CALD1: variants seen among roughly 807,000 people sequenced by gnomAD.
The protein encoded by CALD1 is caldesmon 1, also known as caldesmon.
Under a neutral mutation model 99.9 loss-of-function variants are expected in CALD1, and 33 were observed. The ratio of observed to expected loss-of-function variants is 0.33; its 90% CI spans 0.25 to 0.44. The LOEUF is 0.44. Ranked by LOEUF, CALD1 falls within the 20% of genes least tolerant of loss-of-function variation. The probability of loss-of-function intolerance (pLI) is 1.00; values close to 1 mark genes in which losing one functional copy is unlikely to be tolerated. For synonymous variants in CALD1, 310 were observed against 325.0 expected (o/e 0.95, Z 0.50); for missense variants, 861 against 962.1 (o/e 0.89, Z 1.39).
At chr7:134,780,599 T>C (rs185901351) in intron 1 of CALD1, among the ~76,000 whole-genome samples, 9 of 152,272 alleles carry the variant, frequency 5.9e-5, no homozygotes, top group Admixed American at 5.2e-4. Flanking sequence ...ATAGACATAT[T>C]TGGGTGTCTG....
At chr7:134,795,276 G>T (rs1797704010) in intron 1 of CALD1, among the ~76,000 whole-genome samples, 1 of 152,076 alleles carries the variant, frequency 6.6e-6, no homozygotes, top group Admixed American at 6.5e-5. Flanking sequence ...TTGAATCATG[G>T]GGATGGGTCT....
intron 3 of CALD1, among the ~76,000 whole-genome samples, chr7:134,921,647 A>G (rs561231638): frequency 1.3e-5 from 2 of 152,196 alleles, no homozygotes; most frequent in South Asian, 4.1e-4. Context: ...CTCTCTCTTT[A>G]CTAAAAATAC....
At chr7:134,908,700 T>G (rs1287012118) in intron 3 of CALD1, among the ~76,000 whole-genome samples, 1 of 152,200 alleles carries the variant, frequency 6.6e-6, no homozygotes, top group African/African-American at 2.4e-5. Flanking sequence ...CAGCTGAGGT[T>G]GAGGACCTCG....
intron 1 of CALD1, among the ~76,000 whole-genome samples, chr7:134,810,568 C>T (rs1798314715): frequency 6.6e-6 from 1 of 152,180 alleles, no homozygotes; most frequent in Non-Finnish European, 1.5e-5. Flanking sequence ...ATTGAACTGG[C>T]CATCAGAGGA....
the CALD1 span, among the ~76,000 whole-genome samples, chr7:134,732,320 C>A: frequency 6.6e-6 from 1 of 152,280 alleles, no homozygotes; most frequent in Admixed American, 6.5e-5. Context: ...TATTTAGGGA[C>A]CTGCTATGGT....
intron 1 of CALD1, among the ~76,000 whole-genome samples, chr7:134,833,072 G>A (rs1022810417): frequency 6.6e-6 from 1 of 152,180 alleles, no homozygotes; most frequent in African/African-American, 2.4e-5. Context: ...TCTGCATAAT[G>A]CCAGAATTGC....
At chr7:134,866,620 G>C (rs2132313592) in intron 2 of CALD1, among the ~76,000 whole-genome samples, 1 of 152,288 alleles carries the variant, frequency 6.6e-6, no homozygotes, top group East Asian at 1.9e-4. Flanking sequence ...TTCAAACAAA[G>C]ATGCCTTCAG....
the CALD1 span, among the ~76,000 whole-genome samples, chr7:134,717,694 G>A: frequency 2.6e-5 from 4 of 152,204 alleles, no homozygotes; most frequent in Non-Finnish European, 4.4e-5. Flanking sequence ...GGAAGGCCCT[G>A]CCAGCTCCAC....
chr7:134,934,166 A>T (rs1805767239), intron 5 of CALD1, 89 bp downstream of exon 5: 4 of 1,526,534 alleles, frequency 2.6e-6, no homozygotes, highest in Non-Finnish European at 3.5e-6. Flanking sequence ...GGCCACATGC[A>T]TATAGCTCAC....
chr7:134,948,223 CTT>C (rs879472371), intron 8 of CALD1: 57 of 141,890 alleles, frequency 4.0e-4, no homozygotes, highest in South Asian at 8.8e-4. Context: ...TTTTTTAAAT[CTT>C]TTTTTTTTTT....
intron 3 of CALD1, among the ~76,000 whole-genome samples, chr7:134,898,835 G>A (rs940555151): frequency 5.9e-5 from 9 of 152,334 alleles, no homozygotes; most frequent in East Asian, 1.9e-4. Context: ...CATTATAGGC[G>A]TGAGCCACTG....
At chr7:134,846,687 T>A (rs963227012) in intron 2 of CALD1, among the ~76,000 whole-genome samples, 1 of 152,362 alleles carries the variant, frequency 6.6e-6, no homozygotes, top group Middle Eastern at 3.4e-3. Flanking sequence ...TTTCTGATTA[T>A]GAGCAGAAGA....
chr7:134,845,982 G>A (rs548170155), intron 2 of CALD1, among the ~76,000 whole-genome samples: 2 of 152,242 alleles, frequency 1.3e-5, no homozygotes, highest in South Asian at 4.1e-4. Flanking sequence ...AACCATTCCT[G>A]TGAGCCTTCT....
At chr7:134,924,190 G>T (rs1488079024) in intron 3 of CALD1, among the ~76,000 whole-genome samples, 1 of 152,082 alleles carries the variant, frequency 6.6e-6, no homozygotes, top group Non-Finnish European at 1.5e-5. Context: ...AAAAATGTCT[G>T]TGCATGCACA....
chr7:134,815,267 CT>C (rs1299228286), intron 1 of CALD1, among the ~76,000 whole-genome samples: 2 of 152,182 alleles, frequency 1.3e-5, no homozygotes, highest in Admixed American at 1.3e-4. Flanking sequence ...TGAGAAGCAA[CT>C]ATCAAATTGC....
the CALD1 span, among the ~76,000 whole-genome samples, chr7:134,726,552 G>T: frequency 6.8e-6 from 1 of 147,622 alleles, no homozygotes; most frequent in African/African-American, 2.5e-5. Flanking sequence ...GGACACGGAT[G>T]CTGCCAGGGA....
At chr7:134,812,219 C>T (rs1798377674) in intron 1 of CALD1, among the ~76,000 whole-genome samples, 1 of 152,090 alleles carries the variant, frequency 6.6e-6, no homozygotes, top group Non-Finnish European at 1.5e-5. Flanking sequence ...GAAATGTTCC[C>T]TATAAGCTGC....
chr7:134,907,103 T>C (rs919264056), intron 3 of CALD1, among the ~76,000 whole-genome samples: 2 of 152,160 alleles, frequency 1.3e-5, no homozygotes, highest in African/African-American at 4.8e-5. Context: ...CTGTAAAAAG[T>C]TGCCATCTGT....
the CALD1 span, among the ~76,000 whole-genome samples, chr7:134,715,332 C>T: frequency 2.0e-5 from 3 of 152,160 alleles, no homozygotes; most frequent in South Asian, 4.1e-4. Flanking sequence ...GAATGTCTTA[C>T]AGTTGTGTCT....
Sources: allele counts gnomAD v4.1 joint callset (sites outside exome capture counted in the v4.1 genomes callset), GRCh38; gene constraint gnomAD v4.1.1; transcripts MANE v1.5; gene names NCBI Gene and HGNC (gene_info 2026-07-23, HGNC 2026-07-21).